The following NKAIN2 variants were observed in gnomAD, a reference collection of about 807,000 sequenced individuals.
The protein encoded by NKAIN2 is sodium/potassium transporting ATPase interacting 2.
A neutral mutation model predicts 32.6 loss-of-function variants in NKAIN2; 14 were observed. The ratio of observed to expected loss-of-function variants is 0.43; its 90% CI spans 0.28 to 0.67. The LOEUF is 0.67. Ranked by LOEUF, NKAIN2 falls within the 30% of genes least tolerant of loss-of-function variation. The pLI is 0.17. For synonymous variants in NKAIN2, 80 were observed against 87.2 expected, an observed-to-expected ratio of 0.92 and a Z score of 0.46; for missense variants, 198 against 258.3, an observed-to-expected ratio of 0.77 and a Z score of 1.60.
chr6:124,746,172 T>G (rs1331712259), intron 4 of NKAIN2, among the ~76,000 whole-genome samples: 1 of 151,888 alleles, frequency 6.6e-6, no homozygotes, highest in African/African-American at 2.4e-5. Context: ...GGCCAGTTAC[T>G]TAACCCATAA....
chr6:124,631,451 T>TAATA (rs1405676445), intron 3 of NKAIN2, among the ~76,000 whole-genome samples: 1 of 152,182 alleles, frequency 6.6e-6, no homozygotes, highest in Non-Finnish European at 1.5e-5. Context: ...AAAAATTATA[T>TAATA]AATATGTGAT....
Position 124,271,512 on chromosome 6 carries a change from G to A in NKAIN2, c.55-11493G>A, listed in dbSNP as rs148676513. 1.3e-4 allele frequency among the ~76,000 whole-genome samples: 20 copies of A among 152,204 alleles called. 1 individual carries two copies. Among genetic ancestry groups the A allele is most frequent in the Admixed American group, 4.6e-4 (7 of 15,292 alleles). On this transcript the variant is annotated intron_variant, in intron 1 of 6. Transcript: ENST00000368417. The stretch of plus-strand genomic sequence containing the variant: ...ATTACAGGCGTGAGCCACCATACCC[G>A]GCCTAAACCTCCTTTCTTTACAAAT...
intron 1 of NKAIN2, among the ~76,000 whole-genome samples, chr6:124,149,538 C>T (rs986567869): frequency 1.3e-5 from 2 of 152,186 alleles, no homozygotes; most frequent in African/African-American, 4.8e-5. Context: ...GTTAAAAAGA[C>T]TGTTCTGTCC....
intron 1 of NKAIN2, among the ~76,000 whole-genome samples, chr6:124,038,693 A>G (rs1449895767): frequency 2.0e-5 from 3 of 152,144 alleles, no homozygotes; most frequent in East Asian, 1.9e-4. Context: ...TATAGTTTCT[A>G]TATCATAACT....
At chr6:124,105,921 T>C (rs932975637) in intron 1 of NKAIN2, among the ~76,000 whole-genome samples, 6 of 152,284 alleles carry the variant, frequency 3.9e-5, no homozygotes, top group Admixed American at 1.3e-4. Flanking sequence ...TCTGTAACCT[T>C]ATGAGGAAGG....
rs1469425444 is a variant in NKAIN2, at chr6:124,730,695, A to C, written c.475-60644A>C. ...ACACCAAAAGCAATGGCAACAAAAG[A>C]CAAAATTGACAAATGGGATCTAATG... On this transcript the variant is annotated intron_variant, in intron 4 of 6. Transcript: ENST00000368417. Among the ~76,000 whole-genome samples the C allele has an allele frequency of 9.9e-4, 149 of 150,108 alleles. 2 individuals carry two copies. The highest frequency in any genetic ancestry group is 8.2e-3 in the Admixed American group (124 of 15,036).
chr6:124,168,114 G>T (rs1015534811), intron 1 of NKAIN2, among the ~76,000 whole-genome samples: 2 of 152,074 alleles, frequency 1.3e-5, no homozygotes, highest in East Asian at 3.9e-4. Context: ...TATCTGTCCT[G>T]GTTTATCATC....
chr6:124,378,630 AC>A (rs1460225346), intron 3 of NKAIN2, among the ~76,000 whole-genome samples: 1 of 152,136 alleles, frequency 6.6e-6, no homozygotes. Flanking sequence ...TTCCTGCAGC[AC>A]CCAAGCACAC....
At chr6:124,168,366 T>C (rs1788677519) in intron 1 of NKAIN2, among the ~76,000 whole-genome samples, 1 of 152,144 alleles carries the variant, frequency 6.6e-6, no homozygotes, top group Admixed American at 6.6e-5. Context: ...CAGAATTTAA[T>C]GATGGTTCAG....
chr6:124,284,434 C>G (rs563598915), intron 2 of NKAIN2, among the ~76,000 whole-genome samples: 1 of 152,106 alleles, frequency 6.6e-6, no homozygotes, highest in South Asian at 2.1e-4. Context: ...TGAAAGTAGT[C>G]ATTACATTAA....
rs1030025101 is a variant in NKAIN2 at position 124,647,456 on chromosome 6, G to A, written c.274-10730G>A. Among the ~76,000 whole-genome samples, 6 of 125,910 alleles carry A rather than the reference G, an allele frequency of 4.8e-5. No individual in the cohort carries two copies. In the South Asian group the frequency reaches 1.5e-3, roughly 32 times the overall value. 82.6% of individuals were successfully genotyped at this position (125,910 alleles called of 152,430 possible). ...GGAGGGTCTAGTAAGCCAAGATTGT[G>A]CCACTGCACTCCAGCCTGGGCGACA... On this transcript the variant is annotated intron_variant, in intron 3 of 6. Coordinates refer to ENST00000368417, the MANE Select transcript of NKAIN2 (RefSeq NM_001040214.3).
chr6:124,691,343 T>C (rs117168967), intron 4 of NKAIN2, among the ~76,000 whole-genome samples: 6,065 of 152,288 alleles, frequency 0.04, 189 homozygotes, highest in Middle Eastern at 0.071. Flanking sequence ...TCTCAGTCTA[T>C]GTCCTTTCTA....
intron 1 of NKAIN2, among the ~76,000 whole-genome samples, chr6:123,913,092 T>C (rs1267757616): frequency 1.3e-5 from 2 of 152,200 alleles, no homozygotes; most frequent in East Asian, 3.8e-4. Flanking sequence ...TGATGGTTAA[T>C]TTCATGAGAA....
intron 1 of NKAIN2, among the ~76,000 whole-genome samples, chr6:123,917,174 T>C (rs533831441): frequency 1.3e-5 from 2 of 152,248 alleles, no homozygotes; most frequent in East Asian, 3.9e-4. Context: ...TTCTCTAAAG[T>C]TTTTAAAGAG....
intron 4 of NKAIN2, among the ~76,000 whole-genome samples, chr6:124,771,583 C>A (rs549299921): frequency 6.6e-6 from 1 of 152,246 alleles, no homozygotes; most frequent in South Asian, 2.1e-4. Context: ...ATATATAATA[C>A]AATGGGATTT....
intron 3 of NKAIN2, among the ~76,000 whole-genome samples, chr6:124,614,254 C>T (rs1782798675): frequency 6.6e-6 from 1 of 152,006 alleles, no homozygotes; most frequent in Non-Finnish European, 1.5e-5. Flanking sequence ...ATTAGCCTGG[C>T]GTGGTGGCAC....
intron 3 of NKAIN2, among the ~76,000 whole-genome samples, chr6:124,557,109 AC>A (rs1267706607): frequency 1.3e-5 from 2 of 152,332 alleles, no homozygotes; most frequent in Non-Finnish European, 1.5e-5. Flanking sequence ...ATTATTGAAC[AC>A]AAAGATGCAG....
intron 1 of NKAIN2, among the ~76,000 whole-genome samples, chr6:123,937,234 A>G (rs541161757): frequency 1.3e-5 from 2 of 152,258 alleles, no homozygotes; most frequent in East Asian, 3.9e-4. Context: ...TACTCTGGAA[A>G]GTTAAAACCA....
chr6:124,640,442 C>T (rs1391810181), intron 3 of NKAIN2, among the ~76,000 whole-genome samples: 1 of 152,080 alleles, frequency 6.6e-6, no homozygotes, highest in East Asian at 1.9e-4. Context: ...AAAACTGAGC[C>T]TCTAGAGTGA....
Sources: allele counts gnomAD v4.1 joint callset (sites outside exome capture counted in the v4.1 genomes callset), GRCh38; gene constraint gnomAD v4.1.1; transcripts MANE v1.5; gene names NCBI Gene and HGNC (gene_info 2026-07-23, HGNC 2026-07-21).